The following ABHD2 variants were observed in gnomAD, a reference collection of about 807,000 sequenced individuals.
The protein encoded by ABHD2 is abhydrolase domain containing 2, acylglycerol lipase, also known as monoacylglycerol lipase ABHD2.
A neutral mutation model predicts 48.1 loss-of-function variants in ABHD2; 20 were observed. That is an observed-to-expected ratio of 0.42 (90% CI 0.29 to 0.60). The LOEUF (loss-of-function observed/expected upper bound fraction) is 0.60. Among genes scored for constraint, ABHD2 ranks in the 20% least tolerant of loss-of-function variants. The pLI, the probability that ABHD2 is intolerant of heterozygous loss-of-function variation, is 0.24. For synonymous variants in ABHD2, 209 were observed against 214.2 expected (o/e 0.98, Z 0.21); for missense variants, 405 against 550.9 (o/e 0.74, Z 2.65).
chr15:89,066,360 C>T, the ABHD2 span, among the ~76,000 whole-genome samples: 1 of 152,166 alleles, frequency 6.6e-6, no homozygotes, highest in East Asian at 1.9e-4. Flanking sequence ...AGCATCTGCA[C>T]TTGGCCCTCT....
rs2150924834 is a variant in ABHD2, at chr15:89,173,703, A to G, written c.539-2109A>G. Among the ~76,000 whole-genome samples the G allele has an allele frequency of 6.6e-6, 1 of 152,336 alleles. No individual in the cohort carries two copies. The highest frequency in any genetic ancestry group is 2.4e-5 in the African/African-American group (1 of 41,566). On this transcript the variant is annotated intron_variant, in intron 5 of 10. Coordinates refer to ENST00000352732, the MANE Select transcript of ABHD2 (RefSeq NM_152924.5). This position sits in a 1 kb window ranked among gnomAD's most constrained non-coding sequence, Gnocchi z 6.5. ...AGGTTTTTGTTCCTTCCCTGTCCTC[A>G]GGGCCCATTCAGAGGCCTTGTCATC...
At chr15:89,133,116 C>A (rs997378146) in intron 3 of ABHD2, among the ~76,000 whole-genome samples, 4 of 152,184 alleles carry the variant, frequency 2.6e-5, no homozygotes, top group African/African-American at 9.7e-5. Context: ...GCCAGTAGAA[C>A]CTATGACCTT....
the ABHD2 span, among the ~76,000 whole-genome samples, chr15:89,052,536 CAGACAG>C: frequency 2.3e-5 from 3 of 129,672 alleles, no homozygotes; most frequent in African/African-American, 1.0e-4. Flanking sequence ...GACAGACAGA[CAGACAG>C]ACAGACAGAC....
rs2050983044 is a variant in ABHD2 at position 89,174,688 on chromosome 15, C to T, written c.539-1124C>T. ...ATTGTAAATCCGTACTCTTCTCATGCCAGTCTATTTTGTATGTGCTTTGCG... is the reference window on the plus strand; with the variant it reads ...ATTGTAAATCCGTACTCTTCTCATGTCAGTCTATTTTGTATGTGCTTTGCG... On this transcript the variant is annotated intron_variant, in intron 5 of 10. Transcript: ENST00000352732. This position sits in a 1 kb window ranked among gnomAD's most constrained non-coding sequence, Gnocchi z 4.1. 6.6e-6 allele frequency among the ~76,000 whole-genome samples: 1 copy of T among 152,196 alleles called. No homozygotes were observed. The highest frequency in any genetic ancestry group is 1.5e-5 in the Non-Finnish European group (1 of 68,036).
chr15:89,140,201 T>C (rs548128019), intron 3 of ABHD2, among the ~76,000 whole-genome samples: 17 of 152,304 alleles, frequency 1.1e-4, no homozygotes, highest in Admixed American at 1.1e-3. Flanking sequence ...TCACGTGCTA[T>C]GTTAGCAGTT....
rs564339539 is a variant in ABHD2, at chr15:89,164,450, G to A, written c.538+8916G>A. Reference sequence around the variant, plus strand: ...GTGCTTTATAGTCCAACAGCTGAAGGTTTGACTGCCTGGTCGAGAAAGCTG... The same window carrying A: ...GTGCTTTATAGTCCAACAGCTGAAGATTTGACTGCCTGGTCGAGAAAGCTG... On this transcript the variant is annotated intron_variant, in intron 5 of 10. Coordinates refer to ENST00000352732, the MANE Select transcript of ABHD2 (RefSeq NM_152924.5). This position sits in a 1 kb window ranked among gnomAD's most constrained non-coding sequence, Gnocchi z 5.0. Among the ~76,000 whole-genome samples the A allele has an allele frequency of 2.0e-3, 294 of 147,364 alleles. No homozygotes were observed. Among genetic ancestry groups the A allele is most frequent in the South Asian group, 5.9e-3 (27 of 4,580 alleles).
rs529249709 is a variant in ABHD2, at chr15:89,164,793, G to T, written c.538+9259G>T. Among the ~76,000 whole-genome samples, 3 of 151,878 alleles carry T rather than the reference G, an allele frequency of 2.0e-5. No homozygotes were observed. In the South Asian group the frequency reaches 6.2e-4, roughly 32 times the overall value. ...CCCTGTCTTTAAAAAAAAAAAAATG[G>T]CAATAATATAAAAGTGCATGGCATA... is the stretch of plus-strand genomic sequence containing the variant. On this transcript the variant is annotated intron_variant, in intron 5 of 10. Coordinates refer to ENST00000352732, the MANE Select transcript of ABHD2 (RefSeq NM_152924.5). The surrounding 1 kb of genome is among the most constrained non-coding windows in gnomAD (Gnocchi z 5.0).
upstream of ABHD2, among the ~76,000 whole-genome samples, chr15:89,083,980 A>G (rs1596048413): frequency 6.6e-6 from 1 of 152,142 alleles, no homozygotes; most frequent in South Asian, 2.1e-4. This position sits in a 1 kb window ranked among gnomAD's most constrained non-coding sequence, Gnocchi z 5.1. Flanking sequence ...TAAAGCCACA[A>G]TATTGGATCC....
the ABHD2 span, among the ~76,000 whole-genome samples, chr15:89,071,801 G>A: frequency 6.6e-6 from 1 of 152,172 alleles, no homozygotes; most frequent in Non-Finnish European, 1.5e-5. Flanking sequence ...TATTGGGTAT[G>A]TTTATCCTAC....
Position 89,201,371 on chromosome 15 carries a change from A to AGTGG in ABHD2, c.*5950_*5953dup. 1 of 1,074,438 alleles carries AGTGG rather than the reference A, an allele frequency of 9.3e-7. No homozygotes were observed. The allele number at this position is 1,074,438 out of a possible 1,614,324, so 66.6% of individuals were successfully genotyped here. A position where few individuals can be genotyped will look rare whatever the true frequency, so the allele number is the denominator to read the frequency against. On this transcript the variant is annotated 3_prime_UTR_variant, in exon 11 of 11. Transcript: ENST00000352732. ...GGGCCCGTCTTGCTTAGATGCATTC[A>AGTGG]GTGGGACAGCTTTGCTGGGTTCCAT...
At chr15:89,079,141 CTG>C in the ABHD2 span, among the ~76,000 whole-genome samples, 3 of 152,192 alleles carry the variant, frequency 2.0e-5, no homozygotes, top group African/African-American at 7.2e-5. This position sits in a 1 kb window ranked among gnomAD's most constrained non-coding sequence, Gnocchi z 4.3. Flanking sequence ...TTCCTCTACT[CTG>C]TGTTTACATA....
chr15:89,170,528 G>A (rs1343820605), intron 5 of ABHD2, among the ~76,000 whole-genome samples: 1 of 152,074 alleles, frequency 6.6e-6, no homozygotes, highest in African/African-American at 2.4e-5. Flanking sequence ...GCATGTACAT[G>A]TTTACATACA....
chr15:89,045,309 C>T, the ABHD2 span, among the ~76,000 whole-genome samples: 1 of 152,022 alleles, frequency 6.6e-6, no homozygotes, highest in African/African-American at 2.4e-5. Flanking sequence ...TTACTGTAGC[C>T]TTGTAGTATA....
chr15:89,148,036 T>C (rs753247032), intron 3 of ABHD2, among the ~76,000 whole-genome samples: 13 of 148,764 alleles, frequency 8.7e-5, no homozygotes, highest in African/African-American at 1.7e-4. Context: ...AGAGAATCTG[T>C]TGGACCCGGG....
intron 3 of ABHD2, among the ~76,000 whole-genome samples, chr15:89,125,931 C>T (rs1261356510): frequency 6.6e-6 from 1 of 152,132 alleles, no homozygotes; most frequent in Non-Finnish European, 1.5e-5. Context: ...TTGCCGAAGC[C>T]TGAAAGATCT....
chr15:89,172,156 A>G (rs1473829660), intron 5 of ABHD2, among the ~76,000 whole-genome samples: 1 of 152,182 alleles, frequency 6.6e-6, no homozygotes, highest in African/African-American at 2.4e-5. Flanking sequence ...GATAAAATGT[A>G]CATAACAAAA....
At chr15:89,128,493 C>T (rs1370440526) in intron 3 of ABHD2, among the ~76,000 whole-genome samples, 1 of 152,170 alleles carries the variant, frequency 6.6e-6, no homozygotes, top group Non-Finnish European at 1.5e-5. Flanking sequence ...TTTGCCGTCA[C>T]CACAGCTACT....
At chr15:89,059,159 G>A in the ABHD2 span, among the ~76,000 whole-genome samples, 64,374 of 151,978 alleles carry the variant, frequency 0.42, 15,883 homozygotes, top group Non-Finnish European at 0.56. Context: ...CCTCTTCCAT[G>A]TTTGGGGCTC....
chr15:89,131,663 G>A (rs534531533), intron 3 of ABHD2, among the ~76,000 whole-genome samples: 2 of 152,248 alleles, frequency 1.3e-5, no homozygotes, highest in East Asian at 3.9e-4. Context: ...GATAACTTGA[G>A]GGAAAATAAA....
Sources: allele counts gnomAD v4.1 joint callset (sites outside exome capture counted in the v4.1 genomes callset), GRCh38; gene constraint gnomAD v4.1.1; non-coding constraint Gnocchi (gnomAD v3.1); transcripts MANE v1.5; gene names NCBI Gene and HGNC (gene_info 2026-07-23, HGNC 2026-07-21).